The following CAST variants were observed in gnomAD, a reference collection of about 807,000 sequenced individuals.
CAST encodes MIR583 host.
CAST carries 76 observed loss-of-function variants against 119.6 expected under a neutral mutation model. That is an observed-to-expected ratio of 0.64 (90% CI 0.53 to 0.77). The LOEUF is 0.77. Ranked by LOEUF, CAST falls within the 30% of genes least tolerant of loss-of-function variation. The pLI is 0.00. For synonymous variants in CAST, 319 were observed against 331.6 expected (o/e 0.96, Z 0.41); for missense variants, 953 against 946.5 (o/e 1.01, Z -0.09).
the CAST span, among the ~76,000 whole-genome samples, chr5:96,142,197 G>T: frequency 1.4e-4 from 21 of 152,162 alleles, no homozygotes; most frequent in Non-Finnish European, 2.9e-4. Flanking sequence ...CAGATCACAA[G>T]GTCAGGAGTT....
At chr5:96,623,241 C>T (rs898970808) in intron 1 of CAST, among the ~76,000 whole-genome samples, 2 of 151,784 alleles carry the variant, frequency 1.3e-5, no homozygotes, top group Middle Eastern at 3.2e-3. Flanking sequence ...GTCACAAACT[C>T]TAAAGCACAA....
At chr5:96,103,934 C>T in the CAST span, among the ~76,000 whole-genome samples, 15 of 152,116 alleles carry the variant, frequency 9.9e-5, no homozygotes, top group South Asian at 8.3e-4. Context: ...TTTTGATTTG[C>T]ATTTCTCTGA....
chr5:96,196,931 T>C, the CAST span, among the ~76,000 whole-genome samples: 5 of 152,196 alleles, frequency 3.3e-5, no homozygotes. Flanking sequence ...TGACTGCTTA[T>C]TAGAGTAATG....
Position 96,729,628 on chromosome 5 carries a change from A to G in CAST, c.452A>G (p.Lys151Arg), listed in dbSNP as rs753442918. 2.6e-6 allele frequency: 4 copies of G among 1,562,630 alleles called. No individual in the cohort carries two copies. In the South Asian group the frequency reaches 3.3e-5, roughly 13 times the overall value. Residue 151 changes from lysine to arginine, a missense_variant, in exon 8 of 32, where the codon AAG becomes AGG. Transcript: ENST00000675179. ...TACTTTCAGCCAAAAAGCCTACCCA[A>G]GCAGGCATCAGATACAGGAAGTAAC... ...KEHTEPKSLP[K>R]QASDTGSNDA... is the part of the protein sequence containing the mutation.
intron 1 of CAST, among the ~76,000 whole-genome samples, chr5:96,620,264 A>T (rs1472507910): frequency 6.6e-6 from 1 of 150,818 alleles, no homozygotes; most frequent in Non-Finnish European, 1.5e-5. Context: ...TAAAAAGGTG[A>T]TGCAGGTGAA....
chr5:96,674,767 A>ATTGC, intron 1 of CAST, among the ~76,000 whole-genome samples: 1 of 152,216 alleles, frequency 6.6e-6, no homozygotes, highest in Non-Finnish European at 1.5e-5. Flanking sequence ...GACTACAGTT[A>ATTGC]ACAGTAATGT....
At chr5:96,413,709 A>G in the CAST span, among the ~76,000 whole-genome samples, 1 of 151,712 alleles carries the variant, frequency 6.6e-6, no homozygotes. Context: ...CTGAGGCACA[A>G]GAAATGCTTG....
intron 1 of CAST, among the ~76,000 whole-genome samples, chr5:96,565,553 T>A (rs1327801803): frequency 6.6e-6 from 1 of 152,212 alleles, no homozygotes; most frequent in East Asian, 1.9e-4. Flanking sequence ...TTTAACATGA[T>A]CCTTGGACCA....
At chr5:96,737,990 A>T (rs1308195745) in intron 11 of CAST, 43 bp downstream of exon 11, 1 of 1,119,172 alleles carries the variant, frequency 8.9e-7, no homozygotes, top group Non-Finnish European at 1.4e-6. Context: ...CTCAGTGGGT[A>T]GGAGAGCAAA....
the CAST span, among the ~76,000 whole-genome samples, chr5:96,065,923 G>A: frequency 6.6e-6 from 1 of 152,138 alleles, no homozygotes; most frequent in Admixed American, 6.6e-5. Context: ...ACAATTGAAG[G>A]GGAGTTCAGT....
chr5:96,575,981 T>G (rs1746662274), intron 1 of CAST, among the ~76,000 whole-genome samples: 1 of 152,212 alleles, frequency 6.6e-6, no homozygotes, highest in African/African-American at 2.4e-5. Context: ...TTTTCTTGAA[T>G]GTTATCAACC....
At chr5:96,314,686 C>T in the CAST span, among the ~76,000 whole-genome samples, 2 of 152,172 alleles carry the variant, frequency 1.3e-5, no homozygotes, top group African/African-American at 2.4e-5. Flanking sequence ...GTCAAATTCC[C>T]TAAGCCTTTT....
At chr5:96,379,062 T>C in the CAST span, among the ~76,000 whole-genome samples, 17 of 152,274 alleles carry the variant, frequency 1.1e-4, no homozygotes, top group South Asian at 3.3e-3. Context: ...TACTCTCTCA[T>C]TTTTGCCAAA....
chr5:96,091,184 A>C, the CAST span, among the ~76,000 whole-genome samples: 11 of 150,368 alleles, frequency 7.3e-5, no homozygotes. Flanking sequence ...GGGTAATCTC[A>C]GGCATGTTAC....
chr5:96,422,667 T>C, the CAST span, among the ~76,000 whole-genome samples: 1 of 152,206 alleles, frequency 6.6e-6, no homozygotes, highest in Non-Finnish European at 1.5e-5. Flanking sequence ...GGGGAATGTT[T>C]GATAGGTGGA....
intron 1 of CAST, chr5:96,663,154 G>C (rs760726044): frequency 1.4e-6 from 1 of 702,648 alleles, no homozygotes; most frequent in South Asian, 1.5e-5. Context: ...TCGCCAGCTG[G>C]TGGTACAAGA....
At chr5:96,450,994 G>A in the CAST span, among the ~76,000 whole-genome samples, 3 of 152,152 alleles carry the variant, frequency 2.0e-5, 1 homozygote, top group South Asian at 6.2e-4. Context: ...CTCCTGGGAT[G>A]TCCTGCTTCT....
chr5:96,168,538 C>A, the CAST span, among the ~76,000 whole-genome samples: 1 of 152,066 alleles, frequency 6.6e-6, no homozygotes, highest in South Asian at 2.1e-4. Context: ...GGTAGTGGAG[C>A]GGGGCAGAGC....
chr5:96,287,714 T>C, the CAST span, among the ~76,000 whole-genome samples: 1 of 152,054 alleles, frequency 6.6e-6, no homozygotes, highest in African/African-American at 2.4e-5. Context: ...TCTAATAAAA[T>C]AAAATCACAC....
Sources: gnomAD v4.1 joint callset for allele counts (sites outside exome capture counted in the v4.1 genomes callset) on GRCh38, gnomAD v4.1.1 for gene constraint, MANE v1.5 for transcripts, NCBI Gene and HGNC (gene_info 2026-07-23, HGNC 2026-07-21) for gene names.